The following PCSK6 variants were observed in gnomAD, a reference collection of about 807,000 sequenced individuals.
The protein encoded by PCSK6 is proprotein convertase subtilisin/kexin type 6.
Under a neutral mutation model 123.3 loss-of-function variants are expected in PCSK6, and 85 were observed. The ratio of observed to expected loss-of-function variants is 0.69; its 90% CI spans 0.58 to 0.83. PCSK6 has a LOEUF of 0.83. PCSK6 is among the 40% of genes least tolerant of loss of function. The probability of loss-of-function intolerance (pLI) is 0.00; values close to 1 mark genes in which losing one functional copy is unlikely to be tolerated. For missense variants in PCSK6, 1,191 were observed against 1,282.3 expected (o/e 0.93, Z 1.09); for synonymous variants, 508 against 516.0 (o/e 0.98, Z 0.21).
At chr15:101,414,112 A>C (rs1275343406) in intron 6 of PCSK6, among the ~76,000 whole-genome samples, 1 of 152,188 alleles carries the variant, frequency 6.6e-6, no homozygotes, top group African/African-American at 2.4e-5. Context: ...CCTTGTCAGC[A>C]ACACTGAATA....
intron 15 of PCSK6, among the ~76,000 whole-genome samples, chr15:101,331,272 A>G (rs1482230252): frequency 2.0e-5 from 3 of 152,252 alleles, no homozygotes; most frequent in African/African-American, 7.2e-5. Context: ...AGATGCTGTA[A>G]GATTTTCAAG....
intron 13 of PCSK6, among the ~76,000 whole-genome samples, chr15:101,352,248 T>C (rs993587305): frequency 4.1e-5 from 6 of 147,728 alleles, no homozygotes; most frequent in Non-Finnish European, 5.9e-5. Context: ...CCCGGGTTCA[T>C]GCCATTCTCC....
At chr15:101,377,915 G>C (rs2041798881) in intron 11 of PCSK6, among the ~76,000 whole-genome samples, 1 of 152,206 alleles carries the variant, frequency 6.6e-6, no homozygotes. Context: ...AGAAACTAAA[G>C]ACGTGCAGGT....
intron 15 of PCSK6, among the ~76,000 whole-genome samples, chr15:101,327,643 G>A (rs746263581): frequency 1.1e-4 from 17 of 152,202 alleles, no homozygotes; most frequent in Non-Finnish European, 1.8e-4. Flanking sequence ...CCTTCATTTG[G>A]TGGGGACTTG....
intron 6 of PCSK6, among the ~76,000 whole-genome samples, chr15:101,418,233 G>A (rs1479757193): frequency 6.6e-6 from 1 of 152,106 alleles, no homozygotes; most frequent in Non-Finnish European, 1.5e-5. Context: ...TAGTTAATCA[G>A]CTCTACCAAC....
intron 1 of PCSK6, among the ~76,000 whole-genome samples, chr15:101,444,287 C>T (rs1174543900): frequency 6.6e-6 from 1 of 152,166 alleles, no homozygotes; most frequent in Non-Finnish European, 1.5e-5. Flanking sequence ...CAGCCCTGTG[C>T]CCCAGCCCCT....
At chr15:101,341,190 C>T (rs1403191371) in intron 13 of PCSK6, among the ~76,000 whole-genome samples, 1 of 151,558 alleles carries the variant, frequency 6.6e-6, no homozygotes. Context: ...CTGTCTCAGC[C>T]TCCCAAAGTG....
At chr15:101,432,627 C>CA (rs555911608) in intron 2 of PCSK6, among the ~76,000 whole-genome samples, 1,178 of 97,328 alleles carry the variant, frequency 0.012, 11 homozygotes, top group Admixed American at 0.037. Flanking sequence ...AAGACCCTGT[C>CA]AAAAAAAAAA....
At chr15:101,386,839 G>T (rs941118142) in intron 9 of PCSK6, among the ~76,000 whole-genome samples, 1 of 152,180 alleles carries the variant, frequency 6.6e-6, no homozygotes, top group Non-Finnish European at 1.5e-5. Flanking sequence ...TTCAATCCTG[G>T]ATATCACCCA....
intron 19 of PCSK6, among the ~76,000 whole-genome samples, chr15:101,314,365 G>T (rs1281149188): frequency 6.6e-6 from 1 of 152,192 alleles, no homozygotes; most frequent in Non-Finnish European, 1.5e-5. Context: ...ACGTCAGAGA[G>T]GGGCAGTGAA....
intron 20 of PCSK6, chr15:101,307,703 G>A (rs949626726): frequency 3.8e-5 from 8 of 212,858 alleles, no homozygotes; most frequent in South Asian, 7.8e-5. Flanking sequence ...AGCGGCTGCC[G>A]GGCTGCGATG....
rs2141573047 is a variant in PCSK6, at chr15:101,398,121, G to A, written c.996+283C>T. Reference sequence around the variant, plus strand: ...CACCTGTGTACCCCCTTCAGCCAGGGATGGGCAAACTCCAAGGCAGAGAGG... The same window carrying A: ...CACCTGTGTACCCCCTTCAGCCAGGAATGGGCAAACTCCAAGGCAGAGAGG... On this transcript the variant is annotated intron_variant, in intron 7 of 21. Coordinates refer to ENST00000611716, the MANE Select transcript of PCSK6 (RefSeq NM_002570.5). This position sits in a 1 kb window ranked among gnomAD's most constrained non-coding sequence, Gnocchi z 4.6. 6.6e-6 allele frequency among the ~76,000 whole-genome samples: 1 copy of A among 152,350 alleles called. No individual in the cohort carries two copies.
chr15:101,332,314 C>G (rs2040388337), intron 13 of PCSK6, among the ~76,000 whole-genome samples: 1 of 152,238 alleles, frequency 6.6e-6, no homozygotes, highest in Non-Finnish European at 1.5e-5. Flanking sequence ...GGGCTGGACT[C>G]TCCACTGTCC....
chr15:101,489,542 C>A lies in PCSK6; in HGVS notation c.129G>T (p.Pro43=). 1 of 997,150 alleles carries A rather than the reference C, an allele frequency of 1.0e-6. No individual in the cohort carries two copies. Among genetic ancestry groups the A allele is most frequent in the Non-Finnish European group, 1.2e-6 (1 of 840,822 alleles). 61.8% of individuals were successfully genotyped at this position (997,150 alleles called of 1,614,324 possible). The change falls in exon 1 of 22, where the codon CCG becomes CCT. Residue 43 remains proline (P), a synonymous_variant. Coordinates refer to ENST00000611716, the MANE Select transcript of PCSK6 (RefSeq NM_002570.5). ...GCCAGCGCCAGGGACGCGGCGCGAG[C>A]GGCCGGAACCCGGGCCCGCCGGCGC... ...AGGAGGPGFR[P]LAPRPWRWLL... is the part of the protein sequence containing the mutation.
At chr15:101,397,771 G>A (rs1332442505) in intron 7 of PCSK6, among the ~76,000 whole-genome samples, 1 of 152,252 alleles carries the variant, frequency 6.6e-6, no homozygotes, top group East Asian at 1.9e-4. Context: ...TGACACACAA[G>A]GATCCGGAAC....
In PCSK6 at chr15:101,428,139, C is replaced by G. The variant is rs546197099; in HGVS notation, c.735-159G>C. On this transcript the variant is annotated intron_variant, in intron 5 of 21. Transcript: ENST00000611716. ...ATCCCCTCTCATCACCAACCCCACTCTGGGAGAAGGCACCAAGTCAGCCTG... is the reference window on the plus strand; with the variant it reads ...ATCCCCTCTCATCACCAACCCCACTGTGGGAGAAGGCACCAAGTCAGCCTG... Among the ~76,000 whole-genome samples, 8 of 152,362 alleles carry G rather than the reference C, an allele frequency of 5.3e-5. No homozygotes were observed. The South Asian group carries it at 1.7e-3, about 32-fold the overall frequency.
intron 8 of PCSK6, among the ~76,000 whole-genome samples, chr15:101,390,459 GA>G (rs2042200396): frequency 6.6e-6 from 1 of 152,200 alleles, no homozygotes; most frequent in South Asian, 2.1e-4. Context: ...TGGATTATCT[GA>G]GTAGACCTGC....
intron 1 of PCSK6, among the ~76,000 whole-genome samples, chr15:101,467,242 G>T (rs562322895): frequency 6.6e-6 from 1 of 151,406 alleles, no homozygotes; most frequent in East Asian, 1.9e-4. Context: ...GTGTACTAGC[G>T]GTCTTGTATA....
chr15:101,372,869 G>A (rs188936472), intron 11 of PCSK6, among the ~76,000 whole-genome samples: 2 of 152,220 alleles, frequency 1.3e-5, no homozygotes, highest in East Asian at 3.9e-4. Flanking sequence ...TTGAAGACAC[G>A]GTCCCCACAC....
Sources: allele counts gnomAD v4.1 joint callset (sites outside exome capture counted in the v4.1 genomes callset), GRCh38; gene constraint gnomAD v4.1.1; non-coding constraint Gnocchi (gnomAD v3.1); transcripts MANE v1.5; gene names NCBI Gene and HGNC (gene_info 2026-07-23, HGNC 2026-07-21).